Variants in GCNT1 observed in about 807,000 individuals in gnomAD.
GCNT1 encodes the protein beta-1,3-galactosyl-O-glycosyl-glycoprotein beta-1,6-N-acetylglucosaminyltransferase.
In GCNT1, 16 loss-of-function variants were observed where a neutral mutation model predicts 26.2. That is an observed-to-expected ratio of 0.61 (90% CI 0.41 to 0.93). The LOEUF is 0.93. GCNT1 is among the 40% of genes least tolerant of loss of function. The pLI is 0.00. For missense variants in GCNT1, 477 were observed against 526.7 expected, an observed-to-expected ratio of 0.91 and a Z score of 0.92; for synonymous variants, 183 against 190.8, an observed-to-expected ratio of 0.96 and a Z score of 0.34.
chr9:76,453,092 A>G (rs1823700510), intron 1 of GCNT1, among the ~76,000 whole-genome samples: 1 of 152,200 alleles, frequency 6.6e-6, no homozygotes, highest in Admixed American at 6.5e-5. Context: ...GGCTGTGAGT[A>G]TGTAACTGAA....
At chr9:76,434,522 ATGATTGTGTTAACTGTACAAAT>A (rs1823382525) in intron 1 of GCNT1, among the ~76,000 whole-genome samples, 1 of 152,194 alleles carries the variant, frequency 6.6e-6, no homozygotes, top group Non-Finnish European at 1.5e-5. Flanking sequence ...GGACCCTGTG[ATGATTGTGTTAACTGTACAAAT>A]TGATTGTAAA....
chr9:76,475,416 C>G (rs1326392164), intron 2 of GCNT1, among the ~76,000 whole-genome samples: 1 of 152,170 alleles, frequency 6.6e-6, no homozygotes, highest in African/African-American at 2.4e-5. Context: ...TCCAGAGCTC[C>G]TCTCTGGAAA....
chr9:76,487,980 C>T (rs112906515), intron 2 of GCNT1, among the ~76,000 whole-genome samples: 12 of 152,154 alleles, frequency 7.9e-5, no homozygotes, highest in Admixed American at 5.2e-4. Flanking sequence ...GCGATCCACT[C>T]GCCTCCACCT....
chr9:76,422,015 A>G (rs773279426), intron 1 of GCNT1, among the ~76,000 whole-genome samples: 18 of 152,092 alleles, frequency 1.2e-4, no homozygotes, highest in African/African-American at 2.9e-4. Flanking sequence ...GAAACTTACA[A>G]TCATGGTGGA....
intron 2 of GCNT1, among the ~76,000 whole-genome samples, chr9:76,468,220 A>T (rs1824051301): frequency 6.6e-6 from 1 of 152,030 alleles, no homozygotes; most frequent in Admixed American, 6.6e-5. Flanking sequence ...TGTGTCTTGT[A>T]CGGTGAATGT....
rs1032077539 is a variant in GCNT1, at chr9:76,505,882, C to T, written c.*2214C>T. 6.0e-6 allele frequency: 1 copy of T among 165,828 alleles called. No homozygotes were observed. The highest frequency in any genetic ancestry group is 1.5e-5 in the Non-Finnish European group (1 of 68,112). The allele number at this position is 165,828 out of a possible 1,614,324, so 10.3% of individuals were successfully genotyped here. On this transcript the variant is annotated 3_prime_UTR_variant, in exon 4 of 4. Transcript: ENST00000376730. ...AAACATAGGATTTTAGAGTCTATTT[C>T]CCCAAGCGCCACATTATAACTGTAA...
At chr9:76,447,546 A>C (rs1404069773) in intron 1 of GCNT1, among the ~76,000 whole-genome samples, 2 of 152,098 alleles carry the variant, frequency 1.3e-5, no homozygotes, top group African/African-American at 4.8e-5. Flanking sequence ...TGCCCAGCCT[A>C]AACTGCCTCT....
chr9:76,431,299 A>C (rs1266559182), intron 1 of GCNT1, among the ~76,000 whole-genome samples: 6 of 152,148 alleles, frequency 3.9e-5, no homozygotes, highest in Admixed American at 3.9e-4. Flanking sequence ...ATCAGATGCC[A>C]GCCCTTAGCA....
intron 2 of GCNT1, among the ~76,000 whole-genome samples, chr9:76,473,657 C>G (rs929219381): frequency 2.6e-5 from 4 of 152,108 alleles, no homozygotes; most frequent in Non-Finnish European, 4.4e-5. Context: ...AAAAAAACAA[C>G]AAAAACGCTG....
chr9:76,422,900 G>A (rs1823216816), intron 1 of GCNT1, among the ~76,000 whole-genome samples: 1 of 152,118 alleles, frequency 6.6e-6, no homozygotes, highest in African/African-American at 2.4e-5. Context: ...TAAATTACAT[G>A]AGATATTCAA....
chr9:76,410,884 T>C, the GCNT1 span, among the ~76,000 whole-genome samples: 2 of 152,362 alleles, frequency 1.3e-5, no homozygotes, highest in African/African-American at 4.8e-5. Context: ...TAGGCACATA[T>C]ACACTATGGA....
upstream of GCNT1, among the ~76,000 whole-genome samples, chr9:76,439,376 C>T (rs1587411213): frequency 6.6e-6 from 1 of 151,998 alleles, no homozygotes; most frequent in South Asian, 2.1e-4. Context: ...AGGTGCGTGG[C>T]ACCACGCCAG....
the GCNT1 span, among the ~76,000 whole-genome samples, chr9:76,396,023 A>C: frequency 6.6e-6 from 1 of 152,232 alleles, no homozygotes; most frequent in African/African-American, 2.4e-5. Context: ...AAAATAGTCA[A>C]TATGCAAGAA....
intron 2 of GCNT1, among the ~76,000 whole-genome samples, chr9:76,473,346 T>G (rs530638985): frequency 6.6e-5 from 10 of 152,338 alleles, no homozygotes; most frequent in Admixed American, 2.6e-4. Context: ...CCTAGGAATC[T>G]ATTTTGTATA....
chr9:76,428,302 A>AAAAAAAAAAAAAAAG (rs1222053703), intron 1 of GCNT1, among the ~76,000 whole-genome samples: 37 of 149,416 alleles, frequency 2.5e-4, no homozygotes, highest in African/African-American at 4.2e-4. Flanking sequence ...TAAAAAAAAA[A>AAAAAAAAAAAAAAAG]AGAGAGAGAG....
In GCNT1 at chr9:76,428,292, T is replaced by TAAAAAAAAAAAAAAAAAAAAA. The variant is rs1279001629; in HGVS notation, n.38+8416_38+8417insAAAAAAAAAAAAAAAAAAAAA. Among the ~76,000 whole-genome samples, 121 of 85,896 alleles carry TAAAAAAAAAAAAAAAAAAAAA rather than the reference T, an allele frequency of 1.4e-3. 11 individuals carry two copies. Among genetic ancestry groups the TAAAAAAAAAAAAAAAAAAAAA allele is most frequent in the Middle Eastern group, 7.7e-3 (1 of 130 alleles). 56.4% of individuals were successfully genotyped at this position (85,896 alleles called of 152,430 possible). On this transcript the variant is annotated intron_variant and non_coding_transcript_variant, in intron 1 of 3. Coordinates refer to the GCNT1 transcript ENST00000488136. ...AAAAAAAAAAAAAAAAAAAAAAACT[T>TAAAAAAAAAAAAAAAAAAAAA]AAAAAAAAAAAGAGAGAGAGAAATG... is the stretch of plus-strand genomic sequence containing the variant.
At chr9:76,488,799 G>A (rs1824651690) in intron 2 of GCNT1, among the ~76,000 whole-genome samples, 1 of 152,140 alleles carries the variant, frequency 6.6e-6, no homozygotes, top group African/African-American at 2.4e-5. Flanking sequence ...CAGCGCACCT[G>A]GCCGAGTTTT....
upstream of GCNT1, among the ~76,000 whole-genome samples, chr9:76,438,596 G>C (rs1238712460): frequency 6.6e-6 from 1 of 152,006 alleles, no homozygotes; most frequent in African/African-American, 2.4e-5. Context: ...TGAAAGGAGG[G>C]GTTCATTCAG....
chr9:76,451,953 T>C (rs950396946), intron 1 of GCNT1, among the ~76,000 whole-genome samples: 7 of 86,384 alleles, frequency 8.1e-5, no homozygotes, highest in Middle Eastern at 4.9e-3. Context: ...TCTTTCTTTT[T>C]TTTTTTTTTT....
Sources: allele counts gnomAD v4.1 joint callset (sites outside exome capture counted in the v4.1 genomes callset), GRCh38; gene constraint gnomAD v4.1.1; transcripts MANE v1.5; gene names NCBI Gene and HGNC (gene_info 2026-07-23, HGNC 2026-07-21).